Variants in PCSK2 observed in about 807,000 individuals in gnomAD.
The protein encoded by PCSK2 is proprotein convertase subtilisin/kexin type 2.
PCSK2 carries 14 observed loss-of-function variants against 69.7 expected under a neutral mutation model. The ratio of observed to expected loss-of-function variants is 0.20; its 90% CI spans 0.13 to 0.31. PCSK2 has a LOEUF of 0.31. Ranked by LOEUF, PCSK2 falls within the 10% of genes least tolerant of loss-of-function variation. The probability of loss-of-function intolerance (pLI) is 1.00; values close to 1 mark genes in which losing one functional copy is unlikely to be tolerated. For missense variants in PCSK2, 544 were observed against 842.5 expected, an observed-to-expected ratio of 0.65 and a Z score of 4.39; for synonymous variants, 307 against 320.7, an observed-to-expected ratio of 0.96 and a Z score of 0.46.
intron 2 of PCSK2, among the ~76,000 whole-genome samples, chr20:17,286,655 T>C (rs1214645266): frequency 1.3e-5 from 2 of 152,220 alleles, no homozygotes; most frequent in African/African-American, 2.4e-5. Context: ...CATATTTTGG[T>C]AGACGTTTAT....
chr20:17,322,298 G>A (rs1293661356), intron 2 of PCSK2, among the ~76,000 whole-genome samples: 1 of 152,084 alleles, frequency 6.6e-6, no homozygotes, highest in Non-Finnish European at 1.5e-5. Flanking sequence ...AGCATATGGA[G>A]GTAAGGGTCT....
At chr20:17,272,858 T>G (rs1987924022) in intron 2 of PCSK2, among the ~76,000 whole-genome samples, 1 of 152,150 alleles carries the variant, frequency 6.6e-6, no homozygotes, top group South Asian at 2.1e-4. Flanking sequence ...TGAATCTGGT[T>G]GATTTGTGTG....
chr20:17,453,711 G>A lies in PCSK2; in HGVS notation c.886-31G>A, dbSNP rs1047509818. 10 of 1,608,094 alleles carry A rather than the reference G, an allele frequency of 6.2e-6. No homozygotes were observed. The highest frequency in any genetic ancestry group is 8.5e-6 in the Non-Finnish European group (10 of 1,178,358). On this transcript the variant is annotated intron_variant, in intron 8 of 11. Coordinates refer to ENST00000262545, the MANE Select transcript of PCSK2 (RefSeq NM_002594.5). This position sits in a 1 kb window ranked among gnomAD's most constrained non-coding sequence, Gnocchi z 4.0. ...TGCCCCCTCGCAGCCCAGGCTGTGG[G>A]TAGCGGCAGCGTCTCCCCTGCTCTC...
intron 7 of PCSK2, among the ~76,000 whole-genome samples, chr20:17,430,688 T>C (rs1425521589): frequency 1.3e-5 from 2 of 152,192 alleles, no homozygotes; most frequent in Non-Finnish European, 2.9e-5. Flanking sequence ...TCAGGAGCCA[T>C]TATGAGCTCA....
intron 2 of PCSK2, among the ~76,000 whole-genome samples, chr20:17,333,915 A>ATATATATATATATATATG (rs1990273430): frequency 1.2e-5 from 1 of 80,076 alleles, no homozygotes; most frequent in Non-Finnish European, 3.1e-5. Context: ...CACTGCATAT[A>ATATATATATATATATATG]TATATATATA....
At position 17,235,124 on chromosome 20, in the gene PCSK2, G is replaced by A. The variant is rs887034998; in HGVS notation, c.177+7642G>A. On this transcript the variant is annotated intron_variant, in intron 1 of 11. Coordinates refer to ENST00000262545, the MANE Select transcript of PCSK2 (RefSeq NM_002594.5). ...AGACACATATGAAAATAATTTAACT[G>A]CCTTGACAATTTTTTGTCACTGAAG... Among the ~76,000 whole-genome samples the A allele has an allele frequency of 2.0e-5, 3 of 152,080 alleles. No homozygotes were observed. The East Asian group carries it at 5.8e-4, about 29-fold the overall frequency.
chr20:17,272,949 C>A (rs746987900), intron 2 of PCSK2, among the ~76,000 whole-genome samples: 23 of 152,060 alleles, frequency 1.5e-4, no homozygotes, highest in Non-Finnish European at 2.8e-4. Flanking sequence ...AAGTACCAGA[C>A]CAACATGTTT....
At chr20:17,388,278 G>C (rs748965090) in intron 5 of PCSK2, among the ~76,000 whole-genome samples, 5 of 152,106 alleles carry the variant, frequency 3.3e-5, no homozygotes, top group Non-Finnish European at 7.4e-5. Context: ...CAGGGAGGGG[G>C]AATAACATGC....
intron 8 of PCSK2, among the ~76,000 whole-genome samples, chr20:17,437,698 G>A (rs1028181234): frequency 9.2e-5 from 14 of 152,216 alleles, no homozygotes; most frequent in East Asian, 1.9e-4. Flanking sequence ...CTCGACTGCC[G>A]CTTAAGCAAC....
chr20:17,398,973 G>T (rs1258270864), intron 5 of PCSK2, among the ~76,000 whole-genome samples: 1 of 152,120 alleles, frequency 6.6e-6, no homozygotes, highest in Non-Finnish European at 1.5e-5. Context: ...CCAGCTAAGG[G>T]CATCTTCCTC....
intron 2 of PCSK2, among the ~76,000 whole-genome samples, chr20:17,266,307 G>T (rs947265642): frequency 2.0e-5 from 3 of 152,164 alleles, no homozygotes; most frequent in Admixed American, 6.5e-5. Flanking sequence ...CTTTCTGGGG[G>T]TGAGCCTGTA....
chr20:17,373,026 T>C (rs990460026), intron 5 of PCSK2, among the ~76,000 whole-genome samples: 6 of 152,210 alleles, frequency 3.9e-5, no homozygotes, highest in African/African-American at 1.2e-4. Context: ...TCACACCTCG[T>C]TAAGTGACCT....
At chr20:17,472,955 G>C (rs2033227830) in intron 11 of PCSK2, among the ~76,000 whole-genome samples, 1 of 152,068 alleles carries the variant, frequency 6.6e-6, no homozygotes, top group Non-Finnish European at 1.5e-5. Context: ...ACACAAGGCA[G>C]TTTAAACACT....
chr20:17,472,855 C>A (rs1429591585), intron 11 of PCSK2, among the ~76,000 whole-genome samples: 6 of 152,196 alleles, frequency 3.9e-5, no homozygotes, highest in Non-Finnish European at 8.8e-5. Context: ...GCATGAGCCA[C>A]CACAGCTTCA....
chr20:17,338,753 G>T (rs1270384449), intron 2 of PCSK2, among the ~76,000 whole-genome samples: 2 of 152,018 alleles, frequency 1.3e-5, no homozygotes, highest in Non-Finnish European at 2.9e-5. Context: ...AGACAGGACT[G>T]GGACCTTCCT....
At position 17,465,932 on chromosome 20, in the gene PCSK2, G is replaced by T. The variant is rs114574389; in HGVS notation, c.1430+379G>T. ...GATCCTTCTGCCCTGGCCTCCCAAA[G>T]TACTGGGATTACAGGTGTGAGCCAC... On this transcript the variant is annotated intron_variant, in intron 11 of 11. Coordinates refer to ENST00000262545, the MANE Select transcript of PCSK2 (RefSeq NM_002594.5). Among the ~76,000 whole-genome samples the T allele has an allele frequency of 3.7e-3, 560 of 152,256 alleles. 4 individuals carry two copies. The highest frequency in any genetic ancestry group is 0.012 in the African/African-American group (508 of 41,524).
intron 2 of PCSK2, among the ~76,000 whole-genome samples, chr20:17,350,415 C>T (rs896732676): frequency 6.6e-6 from 1 of 151,722 alleles, no homozygotes; most frequent in African/African-American, 2.4e-5. Context: ...CGTCCCTCAC[C>T]ATCTTTGGAG....
At chr20:17,343,779 G>A (rs1003777619) in intron 2 of PCSK2, among the ~76,000 whole-genome samples, 2 of 152,154 alleles carry the variant, frequency 1.3e-5, no homozygotes, top group Admixed American at 6.5e-5. Context: ...CTGTTGCGCC[G>A]TTAATGATGG....
At chr20:17,422,270 C>T (rs1402652940) in intron 6 of PCSK2, among the ~76,000 whole-genome samples, 2 of 152,182 alleles carry the variant, frequency 1.3e-5, no homozygotes, top group African/African-American at 4.8e-5. Context: ...ATAGCATTCT[C>T]TAAGTCTGAC....
Sources: gnomAD v4.1 joint callset for allele counts (sites outside exome capture counted in the v4.1 genomes callset) on GRCh38, gnomAD v4.1.1 for gene constraint, Gnocchi (gnomAD v3.1) non-coding constraint, MANE v1.5 for transcripts, NCBI Gene and HGNC (gene_info 2026-07-23, HGNC 2026-07-21) for gene names.